The following ERI3 variants were observed in gnomAD, a reference collection of about 807,000 sequenced individuals.
ERI3 encodes ERI1 exoribonuclease 3.
ERI3 carries 18 observed loss-of-function variants against 44.4 expected under a neutral mutation model. The ratio of observed to expected loss-of-function variants is 0.41; its 90% CI spans 0.28 to 0.60. The LOEUF is 0.60. Ranked by LOEUF, ERI3 falls within the 20% of genes least tolerant of loss-of-function variation. The probability of loss-of-function intolerance (pLI) is 0.36; values close to 1 mark genes in which losing one functional copy is unlikely to be tolerated. For missense variants in ERI3, 294 were observed against 435.5 expected, an observed-to-expected ratio of 0.68 and a Z score of 2.89; for synonymous variants, 183 against 164.8, an observed-to-expected ratio of 1.11 and a Z score of -0.84.
intron 2 of ERI3, among the ~76,000 whole-genome samples, chr1:44,349,581 T>G (rs1646851293): frequency 1.3e-5 from 2 of 152,214 alleles, no homozygotes; most frequent in African/African-American, 4.8e-5. Context: ...GCTATCTTTT[T>G]AGCATATGTT....
intron 1 of ERI3, chr1:44,354,184 A>G (rs1646950891): frequency 2.0e-6 from 2 of 985,332 alleles, no homozygotes; most frequent in Admixed American, 6.1e-5. Context: ...CTTTTAGCCA[A>G]TAGGATTCAT....
intron 7 of ERI3, among the ~76,000 whole-genome samples, chr1:44,271,561 T>C (rs1645087957): frequency 6.6e-6 from 1 of 152,214 alleles, no homozygotes; most frequent in Admixed American, 6.5e-5. Context: ...CACCAGCTGA[T>C]GAACCTCTCT....
chr1:44,318,702 CTGTT>C (rs1274014290), intron 4 of ERI3, among the ~76,000 whole-genome samples: 5 of 152,246 alleles, frequency 3.3e-5, no homozygotes, highest in African/African-American at 7.2e-5. Flanking sequence ...ACCAAGGAGA[CTGTT>C]TGGGATAACT....
chr1:44,327,821 G>A lies in ERI3; in HGVS notation c.490-8077C>T, dbSNP rs752735092. 9.2e-5 allele frequency among the ~76,000 whole-genome samples: 14 copies of A among 152,216 alleles called. No homozygotes were observed. The East Asian group carries it at 2.7e-3, about 29-fold the overall frequency. Reference sequence around the variant, plus strand: ...TGTGTCTTGCTCAGGATCACAAGATGAATCAGAGGCTTGGTTAGACAAAGA... The same window carrying A: ...TGTGTCTTGCTCAGGATCACAAGATAAATCAGAGGCTTGGTTAGACAAAGA... On this transcript the variant is annotated intron_variant, in intron 3 of 8. Coordinates refer to ENST00000372257, the MANE Select transcript of ERI3 (RefSeq NM_024066.3).
chr1:44,242,061 C>T (rs1279792441), intron 8 of ERI3: 1 of 985,522 alleles, frequency 1.0e-6, no homozygotes, highest in South Asian at 4.7e-5. Flanking sequence ...AGGCACTATC[C>T]AGGCAGGCCA....
At chr1:44,261,098 C>T (rs1259322467) in intron 7 of ERI3, among the ~76,000 whole-genome samples, 2 of 152,212 alleles carry the variant, frequency 1.3e-5, no homozygotes, top group African/African-American at 4.8e-5. Flanking sequence ...CTCCCTCTGC[C>T]CACAGTCCTT....
intron 7 of ERI3, among the ~76,000 whole-genome samples, chr1:44,283,139 G>A (rs1645323152): frequency 6.6e-6 from 1 of 152,336 alleles, no homozygotes; most frequent in Middle Eastern, 3.4e-3. Context: ...GATGTGCTCT[G>A]ACAGCTGGTA....
intron 7 of ERI3, among the ~76,000 whole-genome samples, chr1:44,268,872 C>T (rs1016075639): frequency 4.6e-5 from 7 of 152,224 alleles, no homozygotes; most frequent in African/African-American, 1.7e-4. Context: ...AGACAACAAG[C>T]TTCTTCTCAC....
chr1:44,325,830 C>T (rs1646301887), intron 3 of ERI3, among the ~76,000 whole-genome samples: 2 of 152,038 alleles, frequency 1.3e-5, no homozygotes, highest in Non-Finnish European at 1.5e-5. Flanking sequence ...TGTGTTTTTA[C>T]TAAAGACAGG....
intron 2 of ERI3, among the ~76,000 whole-genome samples, chr1:44,340,239 T>C (rs1159166727): frequency 6.6e-6 from 1 of 151,182 alleles, no homozygotes; most frequent in African/African-American, 2.4e-5. Flanking sequence ...CCTAACTAAA[T>C]ACAAAAATCA....
intron 2 of ERI3, among the ~76,000 whole-genome samples, chr1:44,339,664 C>T (rs1360559663): frequency 6.6e-6 from 1 of 152,154 alleles, no homozygotes; most frequent in East Asian, 1.9e-4. Flanking sequence ...AGTCACTTCT[C>T]AGGTGGCAAC....
intron 8 of ERI3, among the ~76,000 whole-genome samples, chr1:44,231,356 G>A (rs146525891): frequency 6.6e-6 from 1 of 151,760 alleles, no homozygotes; most frequent in Admixed American, 6.6e-5. Context: ...TGTCTCTCCT[G>A]TATTCACATT....
At chr1:44,312,999 C>G (rs1484522735) in intron 5 of ERI3, among the ~76,000 whole-genome samples, 170 bp downstream of exon 5, 1 of 152,228 alleles carries the variant, frequency 6.6e-6, no homozygotes. Flanking sequence ...CTGGAGATGA[C>G]AGATCAATGG....
chr1:44,221,342 G>T lies in ERI3; in HGVS notation c.*216C>A, dbSNP rs1643894643. The stretch of plus-strand genomic sequence containing the variant: ...ATACTGGGCTGAGATTGAGGGGTGG[G>T]GATGGGGGGCACAAAGTGTCTGCTC... On this transcript the variant is annotated 3_prime_UTR_variant, in exon 9 of 9. Coordinates refer to ENST00000372257, the MANE Select transcript of ERI3 (RefSeq NM_024066.3). The surrounding 1 kb of genome is among the most constrained non-coding windows in gnomAD (Gnocchi z 5.9). 1 of 564,664 alleles carries T rather than the reference G, an allele frequency of 1.8e-6. No homozygotes were observed. Among genetic ancestry groups the T allele is most frequent in the Non-Finnish European group, 3.2e-6 (1 of 316,148 alleles). 35.0% of individuals were successfully genotyped at this position (564,664 alleles called of 1,614,324 possible). A position where few individuals can be genotyped will look rare whatever the true frequency, so the allele number is the denominator to read the frequency against.
intron 7 of ERI3, among the ~76,000 whole-genome samples, chr1:44,255,328 C>T (rs1337326813): frequency 6.6e-6 from 1 of 152,186 alleles, no homozygotes; most frequent in Non-Finnish European, 1.5e-5. Flanking sequence ...CTGCCTTCGC[C>T]ATTTTGCAGC....
In ERI3 at chr1:44,308,396, G is replaced by C; in HGVS notation, c.672C>G (p.Val224=). The change falls in exon 6 of 9, where the codon GTC becomes GTG. Residue 224 remains valine, a synonymous_variant. Coordinates refer to ENST00000372257, the MANE Select transcript of ERI3 (RefSeq NM_024066.3). ...QPSLQQVLER[V]DEWMAKEGLL... ...GGCCTTCCTTCGCCATCCATTCATC[G>C]ACCCTCTGAAAAGTACACAAGAACA... 1.2e-6 allele frequency: 2 copies of C among 1,613,820 alleles called. No individual in the cohort carries two copies. The highest frequency in any genetic ancestry group is 1.6e-4 in the Middle Eastern group (1 of 6,062).
At chr1:44,281,045 C>T (rs1645273154) in intron 7 of ERI3, among the ~76,000 whole-genome samples, 1 of 152,188 alleles carries the variant, frequency 6.6e-6, no homozygotes, top group Admixed American at 6.5e-5. Context: ...CTTCTCCTCA[C>T]CTCAGGGTCT....
intron 8 of ERI3, among the ~76,000 whole-genome samples, chr1:44,239,223 T>C (rs1644379055): frequency 6.6e-6 from 1 of 152,150 alleles, no homozygotes; most frequent in Non-Finnish European, 1.5e-5. Flanking sequence ...TAGGTGCTTA[T>C]GTGCAAGACC....
chr1:44,287,152 C>G (rs554019605), intron 6 of ERI3, among the ~76,000 whole-genome samples: 30 of 152,244 alleles, frequency 2.0e-4, no homozygotes, highest in African/African-American at 7.2e-4. Context: ...AAGATGACAG[C>G]TGAGAAAAAC....
Sources: gnomAD v4.1 joint callset for allele counts (sites outside exome capture counted in the v4.1 genomes callset) on GRCh38, gnomAD v4.1.1 for gene constraint, Gnocchi (gnomAD v3.1) non-coding constraint, MANE v1.5 for transcripts, NCBI Gene and HGNC (gene_info 2026-07-23, HGNC 2026-07-21) for gene names.